The following EPG5 variants were observed in gnomAD, a reference collection of about 807,000 sequenced individuals.
EPG5 encodes the protein ectopic P-granules 5 autophagy tethering factor.
Under a neutral mutation model 302.7 loss-of-function variants are expected in EPG5, and 159 were observed. The observed-to-expected ratio is 0.53, with a 90% CI of 0.46 to 0.60. The LOEUF (loss-of-function observed/expected upper bound fraction) is 0.60, where lower values mean the gene tolerates loss of function less well. Ranked by LOEUF, EPG5 falls within the 20% of genes least tolerant of loss-of-function variation. EPG5 has a pLI of 0.00. For synonymous variants in EPG5, 1,158 were observed against 1,136.8 expected, an observed-to-expected ratio of 1.02 and a Z score of -0.37; for missense variants, 2,896 against 3,092.4, an observed-to-expected ratio of 0.94 and a Z score of 1.51.
intron 10 of EPG5, among the ~76,000 whole-genome samples, chr18:45,936,782 A>AT (rs1254694374): frequency 7.7e-6 from 1 of 129,176 alleles, no homozygotes; most frequent in African/African-American, 3.6e-5. Context: ...CTGTTATTAA[A>AT]TTAAAAAAAA....
In EPG5 at chr18:45,913,828, C is replaced by G. The variant is rs2049966989; in HGVS notation, c.3694G>C (p.Val1232Leu). 6.2e-7 allele frequency: 1 copy of G among 1,613,468 alleles called. No individual in the cohort carries two copies. The highest frequency in any genetic ancestry group is 2.2e-5 in the East Asian group (1 of 44,874). ...FVEGLATPTQ[V>L]WFAWTVLNME... ...TTGAGCACTGTCCAGGCAAACCAGA[C>G]CTATAATGACACCAGATAAAGGGGA... Residue 1232 changes from valine (V) to leucine (L), a missense_variant and splice_region_variant, in exon 21 of 44, where the codon GTC (valine) becomes CTC (leucine). Val to Leu is a conservative substitution (Grantham distance 32). This residue lies in a region of EPG5 where 64 missense variants were observed against 101.8 expected (regional missense o/e 0.63). Transcript: ENST00000282041.
intron 10 of EPG5, among the ~76,000 whole-genome samples, chr18:45,936,236 G>C (rs1362729811): frequency 6.6e-6 from 1 of 152,148 alleles, no homozygotes; most frequent in Non-Finnish European, 1.5e-5. Context: ...AGCAATTTGA[G>C]AGCAGAAACC....
chr18:45,915,399 G>T, intron 20 of EPG5, 112 bp downstream of exon 20: 1 of 761,042 alleles, frequency 1.3e-6, no homozygotes, highest in Non-Finnish European at 2.2e-6. Flanking sequence ...ACTTACACTA[G>T]AATAAGTGCT....
At chr18:45,828,037 C>T in the EPG5 span, among the ~76,000 whole-genome samples, 1 of 152,102 alleles carries the variant, frequency 6.6e-6, no homozygotes, top group African/African-American at 2.4e-5. Flanking sequence ...GTCCAGGCCC[C>T]CACTTCCTGA....
At chr18:45,856,030 C>T (rs557379738) in intron 42 of EPG5, among the ~76,000 whole-genome samples, 2 of 152,262 alleles carry the variant, frequency 1.3e-5, no homozygotes, top group Admixed American at 1.3e-4. Context: ...ACCATAGGAC[C>T]CAGCAATTCT....
intron 6 of EPG5, 90 bp from the exon 7 acceptor site, chr18:45,946,858 A>G (rs2050793733): frequency 1.0e-6 from 1 of 976,880 alleles, no homozygotes; most frequent in Non-Finnish European, 1.6e-6. Context: ...GAAGAGCCAC[A>G]CATCATCCCA....
At chr18:45,835,692 A>G in the EPG5 span, among the ~76,000 whole-genome samples, 2 of 152,308 alleles carry the variant, frequency 1.3e-5, no homozygotes, top group South Asian at 4.1e-4. Flanking sequence ...ACCATCCAGT[A>G]ACACTTTTAC....
chr18:45,838,557 G>C, the EPG5 span: 1 of 902,354 alleles, frequency 1.1e-6, no homozygotes, highest in Non-Finnish European at 1.6e-6. Flanking sequence ...AGAGATGATA[G>C]AATCTTTCGC....
intron 10 of EPG5, among the ~76,000 whole-genome samples, chr18:45,938,677 T>C (rs1220360233): frequency 6.6e-6 from 1 of 152,166 alleles, no homozygotes; most frequent in East Asian, 1.9e-4. Flanking sequence ...TTTCCTCATA[T>C]TACCACAATT....
chr18:45,806,911 G>A, the EPG5 span, among the ~76,000 whole-genome samples: 1 of 152,176 alleles, frequency 6.6e-6, no homozygotes, highest in Non-Finnish European at 1.5e-5. Flanking sequence ...AGACTCCACA[G>A]GCAGGGGAAG....
chr18:45,961,641 A>T (rs2051151214), intron 1 of EPG5, among the ~76,000 whole-genome samples: 1 of 152,186 alleles, frequency 6.6e-6, no homozygotes, highest in African/African-American at 2.4e-5. Flanking sequence ...TAGGCGGATC[A>T]CCTGAGGTCA....
In EPG5 at chr18:45,952,011, TACAA is replaced by T. The variant is rs1195305195; in HGVS notation, c.1252+385_1252+388del. On this transcript the variant is annotated intron_variant, in intron 3 of 43. Coordinates refer to ENST00000282041, the MANE Select transcript of EPG5 (RefSeq NM_020964.3). ...GTTGGAAAATTAAACAAAACAGCCC[TACAA>T]ACAAAGCAGCCCAAACAAACCACAA... Among the ~76,000 whole-genome samples, 6 of 152,248 alleles carry T rather than the reference TACAA, an allele frequency of 3.9e-5. No homozygotes were observed. In the East Asian group the frequency reaches 1.2e-3, roughly 29 times the overall value.
intron 7 of EPG5, among the ~76,000 whole-genome samples, chr18:45,944,718 G>C (rs1260372906): frequency 2.6e-5 from 4 of 152,142 alleles, no homozygotes; most frequent in Non-Finnish European, 5.9e-5. Context: ...TCACACCATT[G>C]CACTCCAGGC....
In EPG5 at chr18:45,929,129, T is replaced by A. The variant is rs1443194050; in HGVS notation, c.2413-120A>T. ...TCTTACATTGAGCCTTAATTGACAC[T>A]ATGTTCCAAAAAATGTTAAAACTTC... On this transcript the variant is annotated intron_variant, in intron 12 of 43. Transcript: ENST00000282041. 1.2e-5 allele frequency: 12 copies of A among 1,035,246 alleles called. No homozygotes were observed. The Admixed American group carries it at 2.9e-4, about 25-fold the overall frequency. The allele number at this position is 1,035,246 out of a possible 1,614,324, so 64.1% of individuals were successfully genotyped here. A position where few individuals can be genotyped will look rare whatever the true frequency, so the allele number is the denominator to read the frequency against.
Position 45,883,012 on chromosome 18 carries a change from C to CAAAAAA in EPG5, c.5305-531_5305-526dup, listed in dbSNP as rs35030980. Among the ~76,000 whole-genome samples, 522 of 87,396 alleles carry CAAAAAA rather than the reference C, an allele frequency of 6.0e-3. 5 individuals are homozygous for CAAAAAA. The highest frequency in any genetic ancestry group is 0.018 in the African/African-American group (481 of 26,542). 57.3% of individuals were successfully genotyped at this position (87,396 alleles called of 152,430 possible). A position where few individuals can be genotyped will look rare whatever the true frequency, so the allele number is the denominator to read the frequency against. On this transcript the variant is annotated intron_variant, in intron 30 of 43. Transcript: ENST00000282041. ...ACAAGAGCGAAACTGCGTCTCACAA[C>CAAAAAA]AAAAAAAAAAAAAAAAAAAGTAGTT...
chr18:45,944,101 T>C lies in EPG5; in HGVS notation c.1696A>G (p.Ser566Gly), dbSNP rs767119998. 12 of 1,612,684 alleles carry C rather than the reference T, an allele frequency of 7.4e-6. No homozygotes were observed. In the Admixed American group the frequency reaches 1.5e-4, roughly 20 times the overall value. ...GGEEDEDPET[S>G]WILLNEDDLV... ...TCATCTTCATTAAGGAGAATCCAAC[T>C]GGTCTCAGGGTCTTCATCCTAAGGG... The change falls in exon 8 of 44, where the codon AGT (serine) becomes GGT (glycine). Residue 566 changes from serine to glycine, a missense_variant. Transcript: ENST00000282041.
chr18:45,837,782 C>T, the EPG5 span: 4 of 1,523,762 alleles, frequency 2.6e-6, no homozygotes, highest in Non-Finnish European at 3.5e-6. Context: ...CCTCTCGCTG[C>T]GCGTCGAGCG....
intron 22 of EPG5, among the ~76,000 whole-genome samples, chr18:45,911,078 TACAC>T (rs34212851): frequency 0.014 from 1,855 of 135,102 alleles, 30 homozygotes; most frequent in African/African-American, 0.032. Flanking sequence ...TATCTATCTA[TACAC>T]ACACACACAC....
chr18:45,828,456 G>C, the EPG5 span, among the ~76,000 whole-genome samples: 1 of 152,128 alleles, frequency 6.6e-6, no homozygotes, highest in Non-Finnish European at 1.5e-5. Flanking sequence ...CGTGGGGCAG[G>C]GGGAAGAACA....
Sources: allele counts gnomAD v4.1 joint callset (sites outside exome capture counted in the v4.1 genomes callset), GRCh38; gene constraint gnomAD v4.1.1; regional missense constraint gnomAD v4.1.1; transcripts MANE v1.5; gene names NCBI Gene and HGNC (gene_info 2026-07-23, HGNC 2026-07-21).